UNC5C: variants seen among roughly 807,000 people sequenced by gnomAD.
The protein encoded by UNC5C is netrin receptor UNC5C.
In UNC5C, 47 loss-of-function variants were observed where a neutral mutation model predicts 99.8. The ratio of observed to expected loss-of-function variants is 0.47; its 90% CI spans 0.37 to 0.60. UNC5C has a LOEUF of 0.60. Among genes scored for constraint, UNC5C ranks in the 20% least tolerant of loss-of-function variants. UNC5C has a pLI of 0.00. For synonymous variants in UNC5C, 487 were observed against 452.2 expected (o/e 1.08, Z -0.98); for missense variants, 1,062 against 1,165.9 (o/e 0.91, Z 1.30).
intron 4 of UNC5C, among the ~76,000 whole-genome samples, chr4:95,275,805 T>C (rs1216375856): frequency 2.0e-5 from 3 of 152,204 alleles, no homozygotes; most frequent in Non-Finnish European, 4.4e-5. Context: ...CAAAGATCAA[T>C]TGAAACAATC....
chr4:95,272,088 C>T (rs1269804800), intron 4 of UNC5C, among the ~76,000 whole-genome samples: 1 of 152,212 alleles, frequency 6.6e-6, no homozygotes, highest in African/African-American at 2.4e-5. Flanking sequence ...TAAAGTCATC[C>T]GCAATCCCCA....
chr4:95,472,846 C>T (rs1748015828), intron 1 of UNC5C, among the ~76,000 whole-genome samples: 1 of 151,640 alleles, frequency 6.6e-6, no homozygotes, highest in African/African-American at 2.4e-5. Flanking sequence ...TTAAAAGTAG[C>T]AATCTGTCTC....
At chr4:95,222,505 T>G (rs1437763529) in intron 7 of UNC5C, among the ~76,000 whole-genome samples, 1 of 152,172 alleles carries the variant, frequency 6.6e-6, no homozygotes, top group Non-Finnish European at 1.5e-5. Flanking sequence ...TCACTAACTT[T>G]GGAGTGCTTA....
intron 1 of UNC5C, among the ~76,000 whole-genome samples, chr4:95,485,716 T>C (rs1221547807): frequency 1.3e-5 from 2 of 151,778 alleles, no homozygotes; most frequent in Non-Finnish European, 2.9e-5. Context: ...AAAGATAAGT[T>C]GTTTTGATCA....
At chr4:95,527,725 T>C (rs1407822673) in intron 1 of UNC5C, among the ~76,000 whole-genome samples, 1 of 152,172 alleles carries the variant, frequency 6.6e-6, no homozygotes, top group Non-Finnish European at 1.5e-5. Context: ...ATGCAAACTT[T>C]ATTTGAGAGA....
At chr4:95,313,306 A>G (rs1742340694) in intron 2 of UNC5C, among the ~76,000 whole-genome samples, 1 of 152,166 alleles carries the variant, frequency 6.6e-6, no homozygotes, top group African/African-American at 2.4e-5. Context: ...GAGATTGTGA[A>G]AATTGTAAAT....
At chr4:95,520,672 C>T (rs1486908862) in intron 1 of UNC5C, among the ~76,000 whole-genome samples, 1 of 149,958 alleles carries the variant, frequency 6.7e-6, no homozygotes, top group Non-Finnish European at 1.5e-5. Flanking sequence ...CCTCTCGGCT[C>T]ACTGCAAGCT....
intron 1 of UNC5C, among the ~76,000 whole-genome samples, chr4:95,360,877 A>T (rs2149434605): frequency 6.6e-6 from 1 of 152,330 alleles, no homozygotes; most frequent in South Asian, 2.1e-4. Context: ...AAGTAATTAC[A>T]AGGTTTTCTC....
At chr4:95,258,696 G>A (rs953710554) in intron 4 of UNC5C, among the ~76,000 whole-genome samples, 8 of 148,808 alleles carry the variant, frequency 5.4e-5, no homozygotes, top group Admixed American at 4.0e-4. Flanking sequence ...TGCCTATTCT[G>A]CTGTTGTTTG....
chr4:95,494,513 T>G (rs75357691), intron 1 of UNC5C, among the ~76,000 whole-genome samples: 2,864 of 151,526 alleles, frequency 0.019, 78 homozygotes, highest in African/African-American at 0.066. Context: ...TTCAATGCTT[T>G]TATAGAAAGA....
rs529203809 is a variant in UNC5C, at chr4:95,201,641, T to A, written c.2136+1090A>T. Among the ~76,000 whole-genome samples the A allele has an allele frequency of 9.2e-5, 14 of 151,890 alleles. 1 individual carries two copies. In the South Asian group the frequency reaches 2.9e-3, roughly 32 times the overall value. On this transcript the variant is annotated intron_variant, in intron 12 of 15. Coordinates refer to ENST00000453304, the MANE Select transcript of UNC5C (RefSeq NM_003728.4). The stretch of plus-strand genomic sequence containing the variant: ...TTTTTTCAGACAGAGTTTCACTCTG[T>A]CGCCTAGGCTGGAATGCAGTGAGGC...
intron 3 of UNC5C, among the ~76,000 whole-genome samples, chr4:95,294,399 G>C (rs756789310): frequency 7.2e-5 from 11 of 152,176 alleles, no homozygotes; most frequent in Non-Finnish European, 1.2e-4. Flanking sequence ...ATTCTTTCTA[G>C]GAACTACCTT....
At chr4:95,250,766 G>A (rs1473060719) in intron 4 of UNC5C, 99 bp from the exon 5 acceptor site, 5 of 1,186,602 alleles carry the variant, frequency 4.2e-6, no homozygotes, top group Non-Finnish European at 6.0e-6. Flanking sequence ...TAGCCAAAAG[G>A]CCGAGAAGCG....
chr4:95,201,292 T>C (rs1414869778), intron 12 of UNC5C, among the ~76,000 whole-genome samples: 3 of 152,116 alleles, frequency 2.0e-5, no homozygotes, highest in East Asian at 1.9e-4. Flanking sequence ...GCCCCATCCA[T>C]TGAGCGCTCG....
At chr4:95,475,580 A>G (rs571433157) in intron 1 of UNC5C, among the ~76,000 whole-genome samples, 2 of 152,212 alleles carry the variant, frequency 1.3e-5, no homozygotes, top group South Asian at 4.1e-4. Context: ...AAATAGATAT[A>G]TATTCAAAAT....
intron 1 of UNC5C, among the ~76,000 whole-genome samples, chr4:95,355,962 G>A (rs1744168118): frequency 6.6e-6 from 1 of 151,924 alleles, no homozygotes; most frequent in Non-Finnish European, 1.5e-5. Flanking sequence ...GACTGAGGTG[G>A]GAAGATCATT....
intron 12 of UNC5C, among the ~76,000 whole-genome samples, chr4:95,190,616 C>T (rs545343040): frequency 3.9e-5 from 6 of 152,236 alleles, no homozygotes; most frequent in East Asian, 1.9e-4. Context: ...CTGCGCCCAG[C>T]CCCCCTTGTA....
chr4:95,284,202 T>A (rs1741155118), intron 3 of UNC5C, among the ~76,000 whole-genome samples: 1 of 152,182 alleles, frequency 6.6e-6, no homozygotes, highest in Non-Finnish European at 1.5e-5. Flanking sequence ...TCTGCAAACA[T>A]TAGCTCTGCT....
chr4:95,423,813 T>A (rs1746387246), intron 1 of UNC5C, among the ~76,000 whole-genome samples: 1 of 152,192 alleles, frequency 6.6e-6, no homozygotes, highest in African/African-American at 2.4e-5. Flanking sequence ...ATTGGTGTGA[T>A]TAAGAGCCAG....
Sources: gnomAD v4.1 joint callset for allele counts (sites outside exome capture counted in the v4.1 genomes callset) on GRCh38, gnomAD v4.1.1 for gene constraint, MANE v1.5 for transcripts, NCBI Gene and HGNC (gene_info 2026-07-23, HGNC 2026-07-21) for gene names.